The following NID1 variants were observed in gnomAD, a reference collection of about 807,000 sequenced individuals.
The protein encoded by NID1 is nidogen-1.
NID1 carries 76 observed loss-of-function variants against 130.6 expected under a neutral mutation model. That is an observed-to-expected ratio of 0.58 (90% confidence interval 0.48 to 0.70). The LOEUF (loss-of-function observed/expected upper bound fraction) is 0.70. Ranked by LOEUF, NID1 falls within the 30% of genes least tolerant of loss-of-function variation. The pLI, the probability that NID1 is intolerant of heterozygous loss-of-function variation, is 0.00. For synonymous variants in NID1, 665 were observed against 675.1 expected (o/e 0.98, Z 0.23); for missense variants, 1,517 against 1,664.8 (o/e 0.91, Z 1.54).
rs767400919 is a variant in NID1 at position 236,029,705 on chromosome 1, G to A, written c.1583C>T (p.Pro528Leu). The A allele has an allele frequency of 8.1e-6, 13 of 1,614,084 alleles. No individual in the cohort carries two copies. The highest frequency in any genetic ancestry group is 3.3e-5 in the South Asian group (3 of 91,076). Residue 528 changes from proline to leucine, a missense_variant, in exon 7 of 20, where the codon CCG (proline) becomes CTG (leucine). Physicochemically the swap from Pro to Leu is moderately conservative, Grantham distance 98 (BLOSUM62 -3). This residue lies in a region of NID1 where 1,329 missense variants were observed against 1,429.2 expected (regional missense o/e 0.93). Coordinates refer to ENST00000264187, the MANE Select transcript of NID1 (RefSeq NM_002508.3). Reference sequence around the variant, plus strand: ...CCGCTGCTTAATGACCAGATTGCCCGGGTGCCCCACGAAGGTCACCTCAGC... The same window carrying A: ...CCGCTGCTTAATGACCAGATTGCCCAGGTGCCCCACGAAGGTCACCTCAGC... ...RQAEVTFVGH[P>L]GNLVIKQRFS... is the part of the protein sequence containing the mutation.
intron 1 of NID1, among the ~76,000 whole-genome samples, chr1:236,059,048 CT>C (rs1659972077): frequency 6.6e-6 from 1 of 152,218 alleles, no homozygotes; most frequent in Non-Finnish European, 1.5e-5. Context: ...AACCATCCCT[CT>C]TTTCGCATAC....
At chr1:235,998,650 GGAC>G (rs1657995452) in intron 12 of NID1, among the ~76,000 whole-genome samples, 1 of 151,596 alleles carries the variant, frequency 6.6e-6, no homozygotes, top group South Asian at 2.1e-4. Flanking sequence ...ACTCCAGCCT[GGAC>G]GACAAGAGCA....
chr1:236,056,466 AC>A (rs1659900765), intron 1 of NID1, among the ~76,000 whole-genome samples: 1 of 152,206 alleles, frequency 6.6e-6, no homozygotes, highest in Non-Finnish European at 1.5e-5. Context: ...ACCGTCTCAA[AC>A]ATTTATCTTT....
chr1:236,030,813 T>C (rs1469912912), intron 6 of NID1, among the ~76,000 whole-genome samples: 6 of 152,228 alleles, frequency 3.9e-5, no homozygotes, highest in African/African-American at 9.6e-5. Flanking sequence ...TTTGCTGCTG[T>C]CAGGAATTTG....
chr1:236,000,701 G>GTTTAT (rs1658051272), intron 12 of NID1, among the ~76,000 whole-genome samples: 1 of 152,164 alleles, frequency 6.6e-6, no homozygotes, highest in African/African-American at 2.4e-5. Flanking sequence ...ATACTTTTTG[G>GTTTAT]TTTACAAGAA....
Position 236,005,581 on chromosome 1 carries a change from G to C in NID1, c.2527+6340C>G, listed in dbSNP as rs145497421. Among the ~76,000 whole-genome samples the C allele has an allele frequency of 3.0e-3, 449 of 152,182 alleles. 3 individuals are homozygous for C. Among genetic ancestry groups the C allele is most frequent in the African/African-American group, 0.01 (427 of 41,512 alleles). ...TGGGCAAAAATTATGTGCTATATAA[G>C]TGTTAGCTATTATTACTTTAGTATT... On this transcript the variant is annotated intron_variant, in intron 12 of 19. Coordinates refer to ENST00000264187, the MANE Select transcript of NID1 (RefSeq NM_002508.3).
Position 235,991,063 on chromosome 1 carries a change from A to G in NID1, c.2756-5T>C, listed in dbSNP as rs767951235. 9.5e-6 allele frequency: 15 copies of G among 1,576,772 alleles called. No homozygotes were observed. In the South Asian group the frequency reaches 1.8e-4, roughly 19 times the overall value. The stretch of plus-strand genomic sequence containing the variant: ...GGGGAGCCACTGTACTCAGACCTGC[A>G]TGGCAGAGGGGGTCAGTGAGGGAGG... On this transcript the variant is annotated splice_region_variant and splice_polypyrimidine_tract_variant and intron_variant, in intron 13 of 19. Coordinates refer to ENST00000264187, the MANE Select transcript of NID1 (RefSeq NM_002508.3).
At chr1:236,033,892 C>T (rs1659169774) in intron 5 of NID1, among the ~76,000 whole-genome samples, 1 of 152,100 alleles carries the variant, frequency 6.6e-6, no homozygotes, top group Non-Finnish European at 1.5e-5. Context: ...AATTAAATTG[C>T]TGTTTGTTGT....
chr1:236,002,834 C>T (rs1658120698), intron 12 of NID1, among the ~76,000 whole-genome samples: 1 of 152,296 alleles, frequency 6.6e-6, no homozygotes, highest in Non-Finnish European at 1.5e-5. Flanking sequence ...TGGCCACAGA[C>T]ATCAAGACCG....
chr1:236,058,682 T>C (rs1659959057), intron 1 of NID1, among the ~76,000 whole-genome samples: 1 of 152,198 alleles, frequency 6.6e-6, no homozygotes, highest in African/African-American at 2.4e-5. Flanking sequence ...TATGTCCAAA[T>C]ACTCCCTGAA....
rs72765465 is a variant in NID1, at chr1:236,051,620, G to T, written c.226-2631C>A. Among the ~76,000 whole-genome samples the T allele has an allele frequency of 1.0e-2, 1,522 of 152,234 alleles. 14 individuals are homozygous for T. The highest frequency in any genetic ancestry group is 0.023 in the African/African-American group (953 of 41,534). Reference sequence around the variant, plus strand: ...GGCTGTGGAGAAGGGAGTCAGACACGGGGCTTCTTCCAGCCGGTCCCTCTG... The same window carrying T: ...GGCTGTGGAGAAGGGAGTCAGACACTGGGCTTCTTCCAGCCGGTCCCTCTG... On this transcript the variant is annotated intron_variant, in intron 1 of 19. Transcript: ENST00000264187.
rs1052696335 is a variant in NID1, at chr1:235,993,840, C to T, written c.2560G>A (p.Glu854Lys). 5.6e-6 allele frequency: 9 copies of T among 1,613,444 alleles called. No homozygotes were observed. The highest frequency in any genetic ancestry group is 6.8e-6 in the Non-Finnish European group (8 of 1,179,508). ...VEKTRCQHER[E>K]HILGAAGATD... ...GCCCCCGCTGCCCCGAGAATGTGTTCTCGCTCGTGCTGGCACCGGGTTTTC... is the reference window on the plus strand; with the variant it reads ...GCCCCCGCTGCCCCGAGAATGTGTTTTCGCTCGTGCTGGCACCGGGTTTTC... The change falls in exon 13 of 20, where the codon GAA (glutamate) becomes AAA (lysine). Residue 854 changes from glutamate to lysine, a missense_variant. Glu to Lys is a moderately conservative substitution (Grantham distance 56). Coordinates refer to ENST00000264187, the MANE Select transcript of NID1 (RefSeq NM_002508.3).
chr1:236,034,077 T>A (rs4660146), intron 5 of NID1, among the ~76,000 whole-genome samples: 31,886 of 152,012 alleles, frequency 0.21, 3,635 homozygotes, highest in Non-Finnish European at 0.26. Flanking sequence ...AACTGATGAA[T>A]GGATAAACAA....
At position 235,982,366 on chromosome 1, in the gene NID1, A is replaced by G. The variant is rs552146461; in HGVS notation, c.3056-584T>C. Reference sequence around the variant, plus strand: ...ATGAAGGTAGGAGGCCATGTTAATGAACTTAGAACTTAGGCAGAGGGGAGG... The same window carrying G: ...ATGAAGGTAGGAGGCCATGTTAATGGACTTAGAACTTAGGCAGAGGGGAGG... On this transcript the variant is annotated intron_variant, in intron 15 of 19. Coordinates refer to ENST00000264187, the MANE Select transcript of NID1 (RefSeq NM_002508.3). Among the ~76,000 whole-genome samples, 21 of 152,308 alleles carry G rather than the reference A, an allele frequency of 1.4e-4. No homozygotes were observed. The South Asian group carries it at 4.1e-3, about 30-fold the overall frequency.
At chr1:236,012,408 A>G (rs1006767845) in intron 11 of NID1, among the ~76,000 whole-genome samples, 3 of 152,122 alleles carry the variant, frequency 2.0e-5, no homozygotes, top group Non-Finnish European at 2.9e-5. Flanking sequence ...AATATAAAAA[A>G]TTAGCTGGGC....
In NID1 at chr1:236,048,956, G is replaced by T. The variant is rs1176559185; in HGVS notation, c.259C>A (p.Pro87Thr). 6.2e-6 allele frequency: 10 copies of T among 1,613,922 alleles called. No individual in the cohort carries two copies. The highest frequency in any genetic ancestry group is 5.1e-6 in the Non-Finnish European group (6 of 1,180,000). Residue 87 changes from proline to threonine, a missense_variant, in exon 2 of 20, where the codon CCC becomes ACC. Coordinates refer to ENST00000264187, the MANE Select transcript of NID1 (RefSeq NM_002508.3). ...CCGGGATGGGATTCTTTGGCCGGGG[G>T]TTCACTCGTAGCAATGATGCCATTT... is the stretch of plus-strand genomic sequence containing the variant. ...TTNGIIATSE[P>T]PAKESHPGLF...
intron 12 of NID1, among the ~76,000 whole-genome samples, chr1:236,007,245 G>A (rs536186850): frequency 1.2e-3 from 186 of 152,152 alleles, no homozygotes; most frequent in Non-Finnish European, 1.8e-3. Flanking sequence ...TGTTGTCCAG[G>A]GTGTTCTTAA....
At chr1:236,055,387 GATTAGTCTCAA>G (rs1659871134) in intron 1 of NID1, among the ~76,000 whole-genome samples, 1 of 152,008 alleles carries the variant, frequency 6.6e-6, no homozygotes, top group African/African-American at 2.4e-5. Context: ...AATGAAAGAA[GATTAGTCTCAA>G]ATTGGTACTT....
At chr1:236,012,256 T>C (rs957258144) in intron 11 of NID1, among the ~76,000 whole-genome samples, 2 of 152,120 alleles carry the variant, frequency 1.3e-5, no homozygotes, top group Admixed American at 6.5e-5. Flanking sequence ...GCAGCAATGT[T>C]TTCATGAAAA....
Sources: gnomAD v4.1 joint callset for allele counts (sites outside exome capture counted in the v4.1 genomes callset) on GRCh38, gnomAD v4.1.1 for gene constraint, gnomAD v4.1.1 regional missense constraint, MANE v1.5 for transcripts, NCBI Gene and HGNC (gene_info 2026-07-23, HGNC 2026-07-21) for gene names.